The following CNTNAP4 variants were observed in gnomAD, a reference collection of about 807,000 sequenced individuals.
The protein encoded by CNTNAP4 is contactin associated protein family member 4, also known as contactin-associated protein-like 4.
Under a neutral mutation model 148.4 loss-of-function variants are expected in CNTNAP4, and 98 were observed. That is an observed-to-expected ratio of 0.66 (90% CI 0.56 to 0.78). The LOEUF (loss-of-function observed/expected upper bound fraction) is 0.78, where lower values mean the gene tolerates loss of function less well. CNTNAP4 is among the 30% of genes least tolerant of loss of function. The pLI is 0.00. For missense variants in CNTNAP4, 1,935 were observed against 1,565.6 expected (o/e 1.24, Z -3.98); for synonymous variants, 730 against 565.1 (o/e 1.29, Z -4.14).
chr16:76,411,023 T>C (rs1251899052), intron 3 of CNTNAP4, among the ~76,000 whole-genome samples: 3 of 151,388 alleles, frequency 2.0e-5, no homozygotes, highest in African/African-American at 7.3e-5. Context: ...ATATGAAGTA[T>C]ACATTAATGT....
At chr16:76,329,211 A>C (rs1963290225) in intron 2 of CNTNAP4, among the ~76,000 whole-genome samples, 1 of 152,152 alleles carries the variant, frequency 6.6e-6, no homozygotes, top group Non-Finnish European at 1.5e-5. Flanking sequence ...TATGGACTGA[A>C]TGTCACTTAA....
At chr16:76,299,838 C>G (rs899721519) in intron 1 of CNTNAP4, among the ~76,000 whole-genome samples, 2 of 152,138 alleles carry the variant, frequency 1.3e-5, no homozygotes, top group African/African-American at 4.8e-5. Flanking sequence ...AGTTCATGTC[C>G]TTTGTAGGGA....
intron 1 of CNTNAP4, among the ~76,000 whole-genome samples, chr16:76,295,866 G>A (rs1959237580): frequency 6.6e-6 from 1 of 152,150 alleles, no homozygotes. Flanking sequence ...CCCCCAGGCT[G>A]GAATGTAGTG....
chr16:76,493,948 G>C (rs1405694753), intron 13 of CNTNAP4, among the ~76,000 whole-genome samples: 1 of 152,146 alleles, frequency 6.6e-6, no homozygotes, highest in Non-Finnish European at 1.5e-5. Flanking sequence ...ATTCTCAGTA[G>C]GGCTAATGGT....
chr16:76,356,330 C>T (rs575438500), intron 3 of CNTNAP4, among the ~76,000 whole-genome samples: 14 of 151,708 alleles, frequency 9.2e-5, no homozygotes, highest in Admixed American at 2.6e-4. Context: ...TACACATGTA[C>T]GCATATATAT....
At chr16:76,496,753 A>G (rs1021523888) in intron 14 of CNTNAP4, among the ~76,000 whole-genome samples, 2 of 152,202 alleles carry the variant, frequency 1.3e-5, no homozygotes, top group Admixed American at 6.5e-5. Flanking sequence ...CAATGTATCC[A>G]TGATATCCAG....
intron 1 of CNTNAP4, among the ~76,000 whole-genome samples, chr16:76,285,619 T>A (rs16944145): frequency 0.022 from 3,374 of 152,152 alleles, 120 homozygotes; most frequent in African/African-American, 0.079. Flanking sequence ...ATAAATGGGG[T>A]CATAGGTTGA....
intron 1 of CNTNAP4, among the ~76,000 whole-genome samples, chr16:76,279,921 G>A (rs1254031458): frequency 6.6e-6 from 1 of 152,064 alleles, no homozygotes; most frequent in African/African-American, 2.4e-5. Flanking sequence ...TACTTCATAT[G>A]TTTCATCCTT....
In CNTNAP4 at chr16:76,413,377, C is replaced by T. The variant is rs954680124; in HGVS notation, c.391-14075C>T. Reference sequence around the variant, plus strand: ...CAATGTGGATATCCAATTTATACAGCACCATGTATTTAAAAGAATTATTTT... The same window carrying T: ...CAATGTGGATATCCAATTTATACAGTACCATGTATTTAAAAGAATTATTTT... On this transcript the variant is annotated intron_variant, in intron 3 of 23. Coordinates refer to ENST00000611870, the MANE Select transcript of CNTNAP4 (RefSeq NM_033401.5). 6.6e-5 allele frequency among the ~76,000 whole-genome samples: 10 copies of T among 151,360 alleles called. No individual in the cohort carries two copies. In the South Asian group the frequency reaches 1.2e-3, roughly 19 times the overall value.
intron 3 of CNTNAP4, among the ~76,000 whole-genome samples, chr16:76,405,521 G>A (rs1157705895): frequency 1.3e-5 from 2 of 152,154 alleles, no homozygotes; most frequent in African/African-American, 4.8e-5. Flanking sequence ...GTTATATACT[G>A]TATTCTTACA....
intron 3 of CNTNAP4, among the ~76,000 whole-genome samples, chr16:76,425,756 A>G (rs923806219): frequency 2.6e-5 from 4 of 152,166 alleles, no homozygotes; most frequent in African/African-American, 9.7e-5. Context: ...CCCTGAGAGA[A>G]CTGAACCTGG....
At chr16:76,490,233 T>C (rs2082165735) in intron 13 of CNTNAP4, among the ~76,000 whole-genome samples, 1 of 152,212 alleles carries the variant, frequency 6.6e-6, no homozygotes, top group Admixed American at 6.5e-5. Flanking sequence ...TATTTTATCA[T>C]GGAAAACAGC....
At chr16:76,365,390 T>G (rs8043911) in intron 3 of CNTNAP4, among the ~76,000 whole-genome samples, 21,702 of 152,108 alleles carry the variant, frequency 0.14, 2,183 homozygotes, top group East Asian at 0.48. Flanking sequence ...ATTTAAAGTA[T>G]TTTTTGCTAA....
At chr16:76,430,879 C>A (rs2079581447) in intron 4 of CNTNAP4, among the ~76,000 whole-genome samples, 1 of 152,134 alleles carries the variant, frequency 6.6e-6, no homozygotes, top group Non-Finnish European at 1.5e-5. Context: ...TTTTCCTAAG[C>A]CAGTGCCCTT....
chr16:76,544,127 C>A (rs1282528409), intron 21 of CNTNAP4, among the ~76,000 whole-genome samples: 2 of 151,968 alleles, frequency 1.3e-5, no homozygotes, highest in African/African-American at 4.8e-5. Context: ...CCCAAATTAC[C>A]CTCCAAATTA....
intron 14 of CNTNAP4, among the ~76,000 whole-genome samples, chr16:76,496,796 G>C (rs1389226292): frequency 6.6e-6 from 1 of 152,160 alleles, no homozygotes; most frequent in Non-Finnish European, 1.5e-5. Flanking sequence ...ATTCAAAAAA[G>C]AGTACATTTT....
intron 2 of CNTNAP4, among the ~76,000 whole-genome samples, chr16:76,334,008 A>T (rs1027224132): frequency 6.6e-6 from 1 of 151,700 alleles, no homozygotes; most frequent in Non-Finnish European, 1.5e-5. Context: ...CTGATGGCCA[A>T]TGATGATGAG....
intron 3 of CNTNAP4, among the ~76,000 whole-genome samples, chr16:76,366,359 C>T (rs1265668214): frequency 1.3e-5 from 2 of 152,118 alleles, no homozygotes; most frequent in Non-Finnish European, 2.9e-5. Flanking sequence ...ATTTAGCTCC[C>T]ACTTATAAGT....
At position 76,490,195 on chromosome 16, in the gene CNTNAP4, T is replaced by A. The variant is rs141477368; in HGVS notation, c.2080+312T>A. On this transcript the variant is annotated intron_variant, in intron 13 of 23. Coordinates refer to ENST00000611870, the MANE Select transcript of CNTNAP4 (RefSeq NM_033401.5). ...TCAGTGAATGCACAGTGTTTATCCC[T>A]GATAAAGGGCAAGTGACACATAAGG... 3.2e-4 allele frequency among the ~76,000 whole-genome samples: 48 copies of A among 152,342 alleles called. 1 individual carries two copies. The highest frequency in any genetic ancestry group is 1.5e-3 in the East Asian group (8 of 5,184).
Sources: allele counts gnomAD v4.1 joint callset (sites outside exome capture counted in the v4.1 genomes callset), GRCh38; gene constraint gnomAD v4.1.1; transcripts MANE v1.5; gene names NCBI Gene and HGNC (gene_info 2026-07-23, HGNC 2026-07-21).